SNTG1: variants seen among roughly 807,000 people sequenced by gnomAD.
The protein encoded by SNTG1 is syntrophin gamma 1.
SNTG1 carries 39 observed loss-of-function variants against 74.7 expected under a neutral mutation model. The ratio of observed to expected loss-of-function variants is 0.52; its 90% CI spans 0.40 to 0.68. The LOEUF (loss-of-function observed/expected upper bound fraction) is 0.68, where lower values mean the gene tolerates loss of function less well. Ranked by LOEUF, SNTG1 falls within the 30% of genes least tolerant of loss-of-function variation. The pLI is 0.00. For missense variants in SNTG1, 685 were observed against 609.5 expected (o/e 1.12, Z -1.30); for synonymous variants, 254 against 217.1 (o/e 1.17, Z -1.49).
intron 2 of SNTG1, among the ~76,000 whole-genome samples, chr8:50,357,994 C>T (rs2091864288): frequency 6.6e-6 from 1 of 151,578 alleles, no homozygotes; most frequent in Non-Finnish European, 1.5e-5. Flanking sequence ...TTACTATTTC[C>T]TTCTTATTTT....
intron 2 of SNTG1, among the ~76,000 whole-genome samples, chr8:50,180,694 CT>C (rs770943981): frequency 3.5e-5 from 5 of 143,942 alleles, no homozygotes; most frequent in Non-Finnish European, 7.5e-5. Flanking sequence ...TTCTATCTTT[CT>C]ATATAATAGC....
intron 11 of SNTG1, among the ~76,000 whole-genome samples, chr8:50,547,020 TG>T: frequency 6.6e-6 from 1 of 152,240 alleles, no homozygotes; most frequent in South Asian, 2.1e-4. Flanking sequence ...TGATCTCAAG[TG>T]ATCCACCTGC....
At position 50,089,465 on chromosome 8, in the gene SNTG1, A is replaced by T. The variant is rs1031975023; in HGVS notation, c.-102-83096A>T. ...AAAAGAAACTACCATCAGAGTGAACAGGCAACCTACAAAATGGGAGAAAAT... is the reference window on the plus strand; with the variant it reads ...AAAAGAAACTACCATCAGAGTGAACTGGCAACCTACAAAATGGGAGAAAAT... On this transcript the variant is annotated intron_variant, in intron 1 of 18. Coordinates refer to ENST00000642720, the MANE Select transcript of SNTG1 (RefSeq NM_018967.5). 2.1e-3 allele frequency among the ~76,000 whole-genome samples: 318 copies of T among 151,774 alleles called. 3 individuals carry two copies. Among genetic ancestry groups the T allele is most frequent in the African/African-American group, 7.4e-3 (307 of 41,364 alleles).
chr8:50,312,025 T>A (rs918315082), intron 2 of SNTG1, among the ~76,000 whole-genome samples: 7 of 152,052 alleles, frequency 4.6e-5, no homozygotes, highest in African/African-American at 1.4e-4. Context: ...GTAGTATGCA[T>A]ATGATTTTGG....
chr8:50,778,568 A>G (rs2095648329), intron 18 of SNTG1, among the ~76,000 whole-genome samples: 1 of 151,778 alleles, frequency 6.6e-6, no homozygotes, highest in Non-Finnish European at 1.5e-5. Flanking sequence ...CTTTCTTGTA[A>G]ATTTGTTTGA....
chr8:50,426,687 C>T lies in SNTG1; in HGVS notation c.163-11856C>T, dbSNP rs961441929. On this transcript the variant is annotated intron_variant, in intron 4 of 18. Transcript: ENST00000642720. ...AATAAATTTAGTATAACCTAAGCAT[C>T]GAGTGTTTACAAATTCTACAGTATT... is the stretch of plus-strand genomic sequence containing the variant. Among the ~76,000 whole-genome samples the T allele has an allele frequency of 4.6e-5, 7 of 151,832 alleles. No individual in the cohort carries two copies. The South Asian group carries it at 1.2e-3, about 27-fold the overall frequency.
At chr8:50,107,445 T>C (rs1295917716) in intron 1 of SNTG1, among the ~76,000 whole-genome samples, 1 of 152,192 alleles carries the variant, frequency 6.6e-6, no homozygotes, top group Non-Finnish European at 1.5e-5. Context: ...TTTAATTATG[T>C]TATATTTAAT....
At chr8:50,211,654 A>C (rs2084526598) in intron 2 of SNTG1, among the ~76,000 whole-genome samples, 1 of 152,192 alleles carries the variant, frequency 6.6e-6, no homozygotes, top group Non-Finnish European at 1.5e-5. Context: ...AACAATTATC[A>C]ATGAACTGAG....
intron 2 of SNTG1, among the ~76,000 whole-genome samples, chr8:50,191,237 A>G (rs921215558): frequency 1.5e-4 from 22 of 150,028 alleles, no homozygotes; most frequent in African/African-American, 5.4e-4. Context: ...TATAAGCATT[A>G]CATACAGCCA....
intron 18 of SNTG1, among the ~76,000 whole-genome samples, chr8:50,752,788 T>C (rs2095570956): frequency 6.6e-6 from 1 of 152,014 alleles, no homozygotes; most frequent in African/African-American, 2.4e-5. Flanking sequence ...GATGATATTT[T>C]TGGCAAAGTA....
intron 10 of SNTG1, among the ~76,000 whole-genome samples, chr8:50,531,346 A>C (rs2094265928): frequency 6.6e-6 from 1 of 151,668 alleles, no homozygotes; most frequent in Non-Finnish European, 1.5e-5. Context: ...TTTTTTGCCA[A>C]AGAAATAATT....
At position 50,124,224 on chromosome 8, in the gene SNTG1, A is replaced by G. The variant is rs2081075576; in HGVS notation, c.-102-48337A>G. On this transcript the variant is annotated intron_variant, in intron 1 of 18. Coordinates refer to ENST00000642720, the MANE Select transcript of SNTG1 (RefSeq NM_018967.5). ...GAGAAGACCATGTGAAGACACAGGG[A>G]GAAAATGGCCATTTGCAAGCCCGTG... Among the ~76,000 whole-genome samples, 4 of 141,624 alleles carry G rather than the reference A, an allele frequency of 2.8e-5. No individual in the cohort carries two copies. In the South Asian group the frequency reaches 1.1e-3, roughly 38 times the overall value. The allele number at this position is 141,624 out of a possible 152,430, so 92.9% of individuals were successfully genotyped here. A position where few individuals can be genotyped will look rare whatever the true frequency, so the allele number is the denominator to read the frequency against.
chr8:50,440,717 C>T (rs2093350485), intron 5 of SNTG1, among the ~76,000 whole-genome samples: 1 of 152,082 alleles, frequency 6.6e-6, no homozygotes, highest in Admixed American at 6.5e-5. Context: ...ACCGGAAAGA[C>T]TCGTGGTGAG....
At chr8:50,051,452 G>A (rs914279461) in intron 1 of SNTG1, among the ~76,000 whole-genome samples, 2 of 152,076 alleles carry the variant, frequency 1.3e-5, no homozygotes, top group African/African-American at 4.8e-5. Context: ...TAATGAAAAA[G>A]TGCAAACATG....
intron 9 of SNTG1, among the ~76,000 whole-genome samples, chr8:50,507,128 A>G (rs1003055797): frequency 3.0e-4 from 46 of 151,414 alleles, no homozygotes; most frequent in African/African-American, 1.1e-3. Context: ...TGTTAATTAC[A>G]TAGATAGATT....
At chr8:50,508,670 G>T (rs1451003139) in intron 9 of SNTG1, among the ~76,000 whole-genome samples, 2 of 152,212 alleles carry the variant, frequency 1.3e-5, no homozygotes, top group East Asian at 1.9e-4. Flanking sequence ...CTGATGGCCA[G>T]TGATGATGAG....
chr8:50,305,646 G>A (rs2130708196), intron 2 of SNTG1, among the ~76,000 whole-genome samples: 1 of 151,002 alleles, frequency 6.6e-6, no homozygotes, highest in Non-Finnish European at 1.5e-5. Flanking sequence ...CTATATATGT[G>A]TTAGATCACT....
At chr8:50,106,998 A>G (rs6997153) in intron 1 of SNTG1, among the ~76,000 whole-genome samples, 2 of 152,164 alleles carry the variant, frequency 1.3e-5, no homozygotes, top group African/African-American at 4.8e-5. Flanking sequence ...AGCAGAACAC[A>G]TAGGAAATAT....
At chr8:49,977,791 G>T (rs977978547) in intron 1 of SNTG1, among the ~76,000 whole-genome samples, 17 of 152,192 alleles carry the variant, frequency 1.1e-4, no homozygotes, top group Non-Finnish European at 1.9e-4. Flanking sequence ...AAAGGCGAAG[G>T]CTTCATAGCA....
Sources: allele counts gnomAD v4.1 joint callset (sites outside exome capture counted in the v4.1 genomes callset), GRCh38; gene constraint gnomAD v4.1.1; transcripts MANE v1.5; gene names NCBI Gene and HGNC (gene_info 2026-07-23, HGNC 2026-07-21).